The following TNIK variants were observed in gnomAD, a reference collection of about 807,000 sequenced individuals.
The protein encoded by TNIK is TRAF2 and NCK-interacting protein kinase.
In TNIK, 49 loss-of-function variants were observed where a neutral mutation model predicts 191.3. That is an observed-to-expected ratio of 0.26 (90% confidence interval 0.20 to 0.32). The LOEUF (loss-of-function observed/expected upper bound fraction) is 0.32, where lower values mean the gene tolerates loss of function less well. Ranked by LOEUF, TNIK falls within the 10% of genes least tolerant of loss-of-function variation. The probability of loss-of-function intolerance (pLI) is 1.00; values close to 1 mark genes in which losing one functional copy is unlikely to be tolerated. For synonymous variants in TNIK, 594 were observed against 600.9 expected, an observed-to-expected ratio of 0.99 and a Z score of 0.17; for missense variants, 1,155 against 1,702.3, an observed-to-expected ratio of 0.68 and a Z score of 5.66.
At chr3:171,427,619 C>G (rs1236694948) in intron 1 of TNIK, among the ~76,000 whole-genome samples, 1 of 152,202 alleles carries the variant, frequency 6.6e-6, no homozygotes, top group African/African-American at 2.4e-5. Flanking sequence ...TAAGCCTTGT[C>G]TCCCTCAATG....
chr3:171,193,743 TATAA>T (rs1161675413), intron 5 of TNIK, among the ~76,000 whole-genome samples: 32 of 152,312 alleles, frequency 2.1e-4, no homozygotes, highest in African/African-American at 3.8e-4. Context: ...AGGCAGAGCT[TATAA>T]ATAAATAACA....
At position 171,246,836 on chromosome 3, in the gene TNIK, C is replaced by T. The variant is rs76444016; in HGVS notation, c.124-18615G>A. Among the ~76,000 whole-genome samples, 1,491 of 152,216 alleles carry T rather than the reference C, an allele frequency of 9.8e-3. 27 individuals carry two copies. Among genetic ancestry groups the T allele is most frequent in the Non-Finnish European group, 0.012 (826 of 68,016 alleles). On this transcript the variant is annotated intron_variant, in intron 2 of 32. Coordinates refer to ENST00000436636, the MANE Select transcript of TNIK (RefSeq NM_015028.4). ...CGCTTGAGAAGTTGATATTATGATG[C>T]GCAGATGGCCAAAAGTTCCACAGAG... is the stretch of plus-strand genomic sequence containing the variant.
intron 1 of TNIK, among the ~76,000 whole-genome samples, chr3:171,385,114 C>T (rs1036231616): frequency 6.6e-6 from 1 of 152,126 alleles, no homozygotes; most frequent in African/African-American, 2.4e-5. Context: ...CAAAACGGTA[C>T]ATTAAGGCCA....
At chr3:171,346,902 T>C (rs190893338) in intron 2 of TNIK, 344 of 385,880 alleles carry the variant, frequency 8.9e-4, no homozygotes, top group African/African-American at 6.8e-3. Context: ...ACATGGGAAA[T>C]CATTCAAAAG....
chr3:171,345,877 C>G (rs1712096431), intron 2 of TNIK, among the ~76,000 whole-genome samples: 1 of 151,954 alleles, frequency 6.6e-6, no homozygotes, highest in Non-Finnish European at 1.5e-5. Flanking sequence ...AAACAGAATC[C>G]TTATTTATCT....
intron 1 of TNIK, among the ~76,000 whole-genome samples, chr3:171,392,173 T>C (rs1007811564): frequency 2.0e-5 from 3 of 152,166 alleles, no homozygotes; most frequent in African/African-American, 7.2e-5. Context: ...CATAGGACAC[T>C]GGAGATGGAC....
At chr3:171,102,731 T>C (rs1723793200) in intron 21 of TNIK, among the ~76,000 whole-genome samples, 1 of 152,182 alleles carries the variant, frequency 6.6e-6, no homozygotes, top group Non-Finnish European at 1.5e-5. Flanking sequence ...TCCCACAGTT[T>C]TCTATGGCCA....
chr3:171,146,677 G>A (rs1731638313), intron 12 of TNIK, among the ~76,000 whole-genome samples: 1 of 152,114 alleles, frequency 6.6e-6, no homozygotes, highest in Non-Finnish European at 1.5e-5. Context: ...ATCACCTGAG[G>A]TCAGGAGTTT....
intron 12 of TNIK, among the ~76,000 whole-genome samples, chr3:171,149,399 A>G (rs913488680): frequency 6.6e-6 from 1 of 152,200 alleles, no homozygotes; most frequent in Non-Finnish European, 1.5e-5. Flanking sequence ...TATGTCTTAA[A>G]AGCGTAGGCA....
chr3:171,395,718 A>G (rs16856266), intron 1 of TNIK, among the ~76,000 whole-genome samples: 2,211 of 152,314 alleles, frequency 0.015, 57 homozygotes, highest in African/African-American at 0.049. Flanking sequence ...TACCATGAGC[A>G]TTTGTGACAT....
At chr3:171,341,966 A>G (rs932161249) in intron 2 of TNIK, among the ~76,000 whole-genome samples, 1 of 152,188 alleles carries the variant, frequency 6.6e-6, no homozygotes, top group African/African-American at 2.4e-5. Flanking sequence ...ATGTATTTTC[A>G]AGATGTTTTA....
At position 171,093,889 on chromosome 3, in the gene TNIK, C is replaced by A; in HGVS notation, c.2671G>T (p.Asp891Tyr). 6.2e-7 allele frequency: 1 copy of A among 1,613,964 alleles called. No homozygotes were observed. Among genetic ancestry groups the A allele is most frequent in the Non-Finnish European group, 8.5e-7 (1 of 1,179,850 alleles). Residue 891 changes from aspartate (D) to tyrosine (Y), a missense_variant, in exon 23 of 33, where the codon GAC becomes TAC. Physicochemically the swap from Asp to Tyr is radical, Grantham distance 160. This residue lies in a region of TNIK where 735 missense variants were observed against 848.0 expected (regional missense o/e 0.87). Transcript: ENST00000436636. ...CTTGAAATACTGCCGCTGAAACTGT[C>A]CGCATGAGAGGTCTCCAGCCCATGC... ...GTHGLETSHA[D>Y]SFSGSISREG...
chr3:171,073,408 A>G (rs961929340), intron 28 of TNIK, among the ~76,000 whole-genome samples: 3 of 152,126 alleles, frequency 2.0e-5, no homozygotes, highest in Non-Finnish European at 4.4e-5. Flanking sequence ...ATTTAAATGT[A>G]CCCAAAACTA....
At chr3:171,395,870 C>G (rs201320975) in intron 1 of TNIK, among the ~76,000 whole-genome samples, 38 of 152,258 alleles carry the variant, frequency 2.5e-4, no homozygotes, top group East Asian at 2.3e-3. Flanking sequence ...CCTCTCATAG[C>G]CCAGGGTAAT....
At chr3:171,364,996 G>T (rs1392053749) in intron 2 of TNIK, among the ~76,000 whole-genome samples, 1 of 151,904 alleles carries the variant, frequency 6.6e-6, no homozygotes, top group African/African-American at 2.4e-5. Flanking sequence ...TTTAGTGACA[G>T]AATAGTTCGT....
intron 10 of TNIK, 104 bp downstream of exon 10, chr3:171,166,991 T>C (rs984109127): frequency 1.4e-6 from 2 of 1,417,426 alleles, no homozygotes; most frequent in Admixed American, 2.5e-5. Flanking sequence ...TAAAGAATAA[T>C]GCAGGCCCAT....
intron 1 of TNIK, among the ~76,000 whole-genome samples, chr3:171,386,557 T>G (rs1718762925): frequency 6.6e-6 from 1 of 152,188 alleles, no homozygotes; most frequent in Non-Finnish European, 1.5e-5. Flanking sequence ...CATTCAGAAG[T>G]GTATTGCTCA....
At chr3:171,408,017 G>T (rs1721932065) in intron 1 of TNIK, among the ~76,000 whole-genome samples, 1 of 151,832 alleles carries the variant, frequency 6.6e-6, no homozygotes, top group African/African-American at 2.4e-5. Flanking sequence ...GAAGATAAAA[G>T]AAAAAAATCA....
At chr3:171,197,260 A>G (rs888598655) in intron 4 of TNIK, among the ~76,000 whole-genome samples, 5 of 152,188 alleles carry the variant, frequency 3.3e-5, no homozygotes, top group Non-Finnish European at 7.3e-5. Flanking sequence ...CTCAAAATGG[A>G]TCAAAGACCT....
Sources: gnomAD v4.1 joint callset for allele counts (sites outside exome capture counted in the v4.1 genomes callset) on GRCh38, gnomAD v4.1.1 for gene constraint, gnomAD v4.1.1 regional missense constraint, MANE v1.5 for transcripts, NCBI Gene and HGNC (gene_info 2026-07-23, HGNC 2026-07-21) for gene names.